Variants in ABI2 observed in about 807,000 individuals in gnomAD.
ABI2 encodes the protein abelson interactor 2.
Under a neutral mutation model 59.2 loss-of-function variants are expected in ABI2, and 25 were observed. That is an observed-to-expected ratio of 0.42 (90% CI 0.31 to 0.59). The LOEUF is 0.59. Ranked by LOEUF, ABI2 falls within the 20% of genes least tolerant of loss-of-function variation. ABI2 has a pLI of 0.14. For missense variants in ABI2, 545 were observed against 681.8 expected, an observed-to-expected ratio of 0.80 and a Z score of 2.23; for synonymous variants, 213 against 235.5, an observed-to-expected ratio of 0.90 and a Z score of 0.87.
At chr2:203,356,499 G>C (rs974136020) in intron 1 of ABI2, among the ~76,000 whole-genome samples, 2 of 152,120 alleles carry the variant, frequency 1.3e-5, no homozygotes, top group Admixed American at 1.3e-4. Flanking sequence ...CTCCCGAGTA[G>C]CTGGGACTAC....
chr2:203,422,114 G>T (rs1268365432), intron 11 of ABI2, among the ~76,000 whole-genome samples: 2 of 152,008 alleles, frequency 1.3e-5, no homozygotes, highest in Non-Finnish European at 2.9e-5. Context: ...TGGGCAACAT[G>T]GCGATACCCT....
At chr2:203,419,880 C>T (rs1174803454) in intron 11 of ABI2, among the ~76,000 whole-genome samples, 8 of 151,956 alleles carry the variant, frequency 5.3e-5, no homozygotes, top group Non-Finnish European at 7.4e-5. Flanking sequence ...CCCAACTACT[C>T]GGGAGGCTGA....
intron 1 of ABI2, among the ~76,000 whole-genome samples, chr2:203,344,154 C>G (rs1299255323): frequency 6.6e-6 from 1 of 152,158 alleles, no homozygotes; most frequent in Non-Finnish European, 1.5e-5. Flanking sequence ...CATAGTAAAG[C>G]TTAGCGCTTC....
At chr2:203,334,685 G>A (rs1241875110) in intron 1 of ABI2, among the ~76,000 whole-genome samples, 1 of 142,982 alleles carries the variant, frequency 7.0e-6, no homozygotes, top group African/African-American at 2.6e-5. Context: ...TTTTTTTTGA[G>A]ACAGAGTCTC....
chr2:203,403,167 C>A (rs944826537), intron 9 of ABI2: 1 of 152,740 alleles, frequency 6.5e-6, no homozygotes, highest in Non-Finnish European at 1.5e-5. Flanking sequence ...CTAGCTTATA[C>A]AATTCTCATA....
intron 2 of ABI2, among the ~76,000 whole-genome samples, chr2:203,372,264 G>A (rs989726741): frequency 6.6e-6 from 1 of 152,140 alleles, no homozygotes; most frequent in African/African-American, 2.4e-5. Flanking sequence ...CCGATCAACA[G>A]GATCCCAAGG....
chr2:203,407,054 G>C (rs2097456017), intron 9 of ABI2, among the ~76,000 whole-genome samples: 1 of 152,190 alleles, frequency 6.6e-6, no homozygotes, highest in South Asian at 2.1e-4. Flanking sequence ...CTGTGAGCCA[G>C]AATATACTGT....
intron 10 of ABI2, among the ~76,000 whole-genome samples, chr2:203,412,048 A>G (rs1450211585): frequency 2.6e-5 from 4 of 152,226 alleles, no homozygotes; most frequent in African/African-American, 7.2e-5. Flanking sequence ...CATCACAATA[A>G]TAAGGTTACA....
intron 1 of ABI2, among the ~76,000 whole-genome samples, chr2:203,359,869 A>G (rs1576887955): frequency 6.6e-6 from 1 of 152,190 alleles, no homozygotes; most frequent in East Asian, 1.9e-4. Context: ...AAAAATTCAG[A>G]CTATAGCAAT....
intron 1 of ABI2, among the ~76,000 whole-genome samples, chr2:203,352,171 C>G (rs2089117214): frequency 6.6e-6 from 1 of 152,150 alleles, no homozygotes; most frequent in Admixed American, 6.5e-5. Flanking sequence ...AGCTGGTTGT[C>G]CAGGCTGGGT....
intron 2 of ABI2, chr2:203,367,316 C>T (rs1174525001): frequency 1.9e-5 from 4 of 208,872 alleles, no homozygotes; most frequent in African/African-American, 8.4e-5. Context: ...TTCATCCATT[C>T]CCCCGCCTTT....
rs911082572 is a variant in ABI2 at position 203,380,210 on chromosome 2, A to G, written c.288A>G (p.Thr96=). The G allele has an allele frequency of 1.3e-6, 2 of 1,567,422 alleles. No homozygotes were observed. The highest frequency in any genetic ancestry group is 1.7e-6 in the Non-Finnish European group (2 of 1,159,222). ...MESSINHISQ[T]VDIHKEKVAR... ...GTTTTTTACATTATATTTTGCAGACAGTTGATATTCATAAAGAGAAAGTTG... is the reference window on the plus strand; with the variant it reads ...GTTTTTTACATTATATTTTGCAGACGGTTGATATTCATAAAGAGAAAGTTG... Residue 96 remains threonine (T), a splice_region_variant and synonymous_variant, in exon 3 of 12, where the codon ACA becomes ACG. Transcript: ENST00000261018.
rs571188177 is a variant in ABI2 at position 203,396,962 on chromosome 2, C to A, written c.1028C>A (p.Pro343His). 44 of 1,497,786 alleles carry A rather than the reference C, an allele frequency of 2.9e-5. No homozygotes were observed. In the South Asian group the frequency reaches 5.3e-4, roughly 18 times the overall value. The allele number at this position is 1,497,786 out of a possible 1,614,324, so 92.8% of individuals were successfully genotyped here. Reference sequence around the variant, plus strand: ...CCCCCTGTTGTTTCTTCCACTCCCCCTACAGGTAAGTATTTGCTTATTCAT... The same window carrying A: ...CCCCCTGTTGTTTCTTCCACTCCCCATACAGGTAAGTATTTGCTTATTCAT... ...PTPPVVSSTP[P>H]TGHPVQFYSM... The change falls in exon 8 of 12, where the codon CCT becomes CAT. Residue 343 changes from proline to histidine, a missense_variant. Around this residue, in one of 4 missense-constraint regions of ABI2, gnomAD observed 410 missense variants for 435.6 expected, o/e 0.94. Transcript: ENST00000261018.
At chr2:203,365,935 G>A (rs1334496811) in intron 1 of ABI2, among the ~76,000 whole-genome samples, 1 of 151,970 alleles carries the variant, frequency 6.6e-6, no homozygotes, top group Non-Finnish European at 1.5e-5. Flanking sequence ...GGCCGGGGCT[G>A]TTATCTTAAT....
intron 1 of ABI2, among the ~76,000 whole-genome samples, chr2:203,356,361 A>C (rs114689048): frequency 1.6e-3 from 243 of 151,638 alleles, no homozygotes; most frequent in South Asian, 4.4e-3. Flanking sequence ...TAATTTAATG[A>C]AATTTTATTT....
intron 11 of ABI2, among the ~76,000 whole-genome samples, chr2:203,422,376 G>A (rs1238844765): frequency 3.3e-5 from 5 of 152,162 alleles, no homozygotes; most frequent in African/African-American, 1.2e-4. Flanking sequence ...AGTGATAAAT[G>A]TAATCAATTT....
At chr2:203,361,583 A>G (rs772804830) in intron 1 of ABI2, among the ~76,000 whole-genome samples, 1 of 152,204 alleles carries the variant, frequency 6.6e-6, no homozygotes, top group Non-Finnish European at 1.5e-5. Flanking sequence ...AGAAGTTGAC[A>G]GAATGCTAAG....
At chr2:203,339,840 CATTGGT>C (rs1159712657) in intron 1 of ABI2, among the ~76,000 whole-genome samples, 1 of 152,156 alleles carries the variant, frequency 6.6e-6, no homozygotes, top group Non-Finnish European at 1.5e-5. Flanking sequence ...CTACATGGGG[CATTGGT>C]TCTAGGACCC....
chr2:203,381,184 T>G (rs1354049114), intron 3 of ABI2, among the ~76,000 whole-genome samples: 1 of 152,204 alleles, frequency 6.6e-6, no homozygotes, highest in Non-Finnish European at 1.5e-5. Context: ...TTAATGGAGA[T>G]CTAGGTAAAA....
Sources: gnomAD v4.1 joint callset for allele counts (sites outside exome capture counted in the v4.1 genomes callset) on GRCh38, gnomAD v4.1.1 for gene constraint, gnomAD v4.1.1 regional missense constraint, MANE v1.5 for transcripts, NCBI Gene and HGNC (gene_info 2026-07-23, HGNC 2026-07-21) for gene names.